PLCB1: variants seen among roughly 807,000 people sequenced by gnomAD.
The protein encoded by PLCB1 is 1-phosphatidylinositol 4,5-bisphosphate phosphodiesterase beta-1.
Under a neutral mutation model 161.8 loss-of-function variants are expected in PLCB1, and 46 were observed. The observed-to-expected ratio is 0.28, with a 90% CI of 0.22 to 0.36. The LOEUF (loss-of-function observed/expected upper bound fraction) is 0.36. PLCB1 is among the 10% of genes least tolerant of loss of function. The probability of loss-of-function intolerance (pLI) is 1.00; values close to 1 mark genes in which losing one functional copy is unlikely to be tolerated. For missense variants in PLCB1, 1,016 were observed against 1,472.5 expected (o/e 0.69, Z 5.07); for synonymous variants, 517 against 503.7 (o/e 1.03, Z -0.35).
chr20:8,318,098 A>G (rs974945964), intron 2 of PLCB1, among the ~76,000 whole-genome samples: 6 of 151,958 alleles, frequency 3.9e-5, no homozygotes. Context: ...TTACAACCAG[A>G]TATTATTTCT....
chr20:8,473,524 A>G (rs1293795331), intron 3 of PLCB1, among the ~76,000 whole-genome samples: 1 of 152,172 alleles, frequency 6.6e-6, no homozygotes, highest in Non-Finnish European at 1.5e-5. Flanking sequence ...CTGAGTAGCA[A>G]AGCATCACAC....
At chr20:8,573,475 T>C (rs1362220825) in intron 3 of PLCB1, among the ~76,000 whole-genome samples, 1 of 152,228 alleles carries the variant, frequency 6.6e-6, no homozygotes, top group African/African-American at 2.4e-5. Flanking sequence ...ACTATTCCAT[T>C]CTCTGAACCT....
chr20:8,420,482 C>A (rs1325059547), intron 3 of PLCB1, among the ~76,000 whole-genome samples: 1 of 152,114 alleles, frequency 6.6e-6, no homozygotes, highest in Non-Finnish European at 1.5e-5. Flanking sequence ...ATCCCATGGC[C>A]CAGATAGTGA....
At chr20:8,750,726 C>T in intron 23 of PLCB1, 1 of 535,080 alleles carries the variant, frequency 1.9e-6, no homozygotes, top group Non-Finnish European at 3.3e-6. Context: ...AAATTGTGCT[C>T]ATGTTTGAAG....
chr20:8,718,151 C>G (rs1368626515), intron 14 of PLCB1, among the ~76,000 whole-genome samples: 1 of 151,982 alleles, frequency 6.6e-6, no homozygotes, highest in Non-Finnish European at 1.5e-5. Context: ...ACCTAGGAGG[C>G]AGATGTTGCA....
At chr20:8,225,108 C>T (rs1979615665) in intron 2 of PLCB1, among the ~76,000 whole-genome samples, 1 of 152,192 alleles carries the variant, frequency 6.6e-6, no homozygotes, top group Non-Finnish European at 1.5e-5. Context: ...GGATTATTTT[C>T]CCCAAACATC....
chr20:8,143,248 C>A (rs1440453663), intron 1 of PLCB1, among the ~76,000 whole-genome samples: 2 of 152,126 alleles, frequency 1.3e-5, no homozygotes, highest in Non-Finnish European at 2.9e-5. Flanking sequence ...CTACCTACTT[C>A]TTCTCAGCCT....
chr20:8,562,779 C>T (rs1986185526), intron 3 of PLCB1, among the ~76,000 whole-genome samples: 1 of 151,958 alleles, frequency 6.6e-6, no homozygotes, highest in South Asian at 2.1e-4. Context: ...ATTAATAATA[C>T]CTGAAATGAA....
At chr20:8,848,791 C>G (rs6118352) in intron 31 of PLCB1, among the ~76,000 whole-genome samples, 42,231 of 152,158 alleles carry the variant, frequency 0.28, 6,142 homozygotes, top group Middle Eastern at 0.41. Context: ...CAGGTTCCCC[C>G]CAGTGATTCT....
intron 3 of PLCB1, among the ~76,000 whole-genome samples, chr20:8,584,557 C>G (rs1986932359): frequency 6.6e-6 from 1 of 151,786 alleles, no homozygotes; most frequent in South Asian, 2.1e-4. Flanking sequence ...GCCCCAGCAA[C>G]CCTCCTTAAT....
chr20:8,745,625 A>G (rs1358845046), intron 23 of PLCB1, among the ~76,000 whole-genome samples: 8 of 151,906 alleles, frequency 5.3e-5, no homozygotes, highest in Non-Finnish European at 1.2e-4. Context: ...TGTATAATAT[A>G]TGTATAATAT....
Position 8,801,439 on chromosome 20 carries a change from G to A in PLCB1, c.3423+11178G>A, listed in dbSNP as rs78763177. Among the ~76,000 whole-genome samples, 29 of 152,250 alleles carry A rather than the reference G, an allele frequency of 1.9e-4. No individual in the cohort carries two copies. The East Asian group carries it at 4.1e-3, about 21-fold the overall frequency. ...AGTCATACCCTTCTTTCCTAAGTGT[G>A]TCCTTGAGTACTGCCCCACCCATCA... On this transcript the variant is annotated intron_variant, in intron 31 of 31. Transcript: ENST00000338037.
At chr20:8,203,330 T>C (rs1201968616) in intron 2 of PLCB1, among the ~76,000 whole-genome samples, 1 of 152,046 alleles carries the variant, frequency 6.6e-6, no homozygotes, top group Non-Finnish European at 1.5e-5. Flanking sequence ...GGGTCTAGCT[T>C]GTGTGACCAG....
At chr20:8,299,251 A>G (rs549958972) in intron 2 of PLCB1, among the ~76,000 whole-genome samples, 34 of 152,282 alleles carry the variant, frequency 2.2e-4, no homozygotes, top group Admixed American at 1.6e-3. Context: ...CCTGACCAAC[A>G]TATAAAGGTG....
intron 2 of PLCB1, among the ~76,000 whole-genome samples, chr20:8,205,801 G>A (rs1218303286): frequency 6.6e-6 from 1 of 152,082 alleles, no homozygotes; most frequent in East Asian, 1.9e-4. Context: ...TAGGGGCATG[G>A]GAGAAGGGGT....
At chr20:8,225,880 C>T (rs1600245312) in intron 2 of PLCB1, among the ~76,000 whole-genome samples, 2 of 152,202 alleles carry the variant, frequency 1.3e-5, no homozygotes, top group East Asian at 3.9e-4. Context: ...TTTGTTTAAG[C>T]TGACCACAGC....
intron 2 of PLCB1, among the ~76,000 whole-genome samples, chr20:8,279,395 G>C (rs573068590): frequency 1.3e-5 from 2 of 152,180 alleles, no homozygotes; most frequent in Non-Finnish European, 2.9e-5. Context: ...AATATTGTAG[G>C]ATTAAAATAG....
At chr20:8,625,060 G>A (rs1490471647) in intron 3 of PLCB1, among the ~76,000 whole-genome samples, 2 of 152,162 alleles carry the variant, frequency 1.3e-5, no homozygotes, top group Non-Finnish European at 2.9e-5. Flanking sequence ...TTGCATGCAA[G>A]TTGTCTATCA....
intron 3 of PLCB1, among the ~76,000 whole-genome samples, chr20:8,462,194 G>A (rs1981610052): frequency 6.6e-6 from 1 of 152,168 alleles, no homozygotes; most frequent in Non-Finnish European, 1.5e-5. Flanking sequence ...TTTCGCAAGT[G>A]TGCAAAGCAC....
Sources: allele counts gnomAD v4.1 joint callset (sites outside exome capture counted in the v4.1 genomes callset), GRCh38; gene constraint gnomAD v4.1.1; transcripts MANE v1.5; gene names NCBI Gene and HGNC (gene_info 2026-07-23, HGNC 2026-07-21).